TTLL11: variants seen among roughly 807,000 people sequenced by gnomAD.
TTLL11 encodes the protein tubulin polyglutamylase TTLL11.
A neutral mutation model predicts 51.7 loss-of-function variants in TTLL11; 42 were observed. That is an observed-to-expected ratio of 0.81 (90% CI 0.64 to 1.05). TTLL11 has a LOEUF of 1.05. TTLL11 is among the 50% of genes least tolerant of loss of function. TTLL11 has a pLI of 0.00. For missense variants in TTLL11, 799 were observed against 940.4 expected, an observed-to-expected ratio of 0.85 and a Z score of 1.97; for synonymous variants, 381 against 383.5, an observed-to-expected ratio of 0.99 and a Z score of 0.08.
chr9:122,009,017 G>A (rs1843728506), intron 3 of TTLL11, among the ~76,000 whole-genome samples: 1 of 152,182 alleles, frequency 6.6e-6, no homozygotes, highest in South Asian at 2.1e-4. Context: ...AATAGAATGA[G>A]GGTTACCAGG....
chr9:121,846,490 A>T (rs1042141839), intron 8 of TTLL11, among the ~76,000 whole-genome samples: 11 of 152,236 alleles, frequency 7.2e-5, no homozygotes, highest in African/African-American at 2.7e-4. Flanking sequence ...CATTCTTCCC[A>T]GTTCAAATGA....
intron 6 of TTLL11, among the ~76,000 whole-genome samples, chr9:121,907,450 C>CAA (rs5900502): frequency 0.012 from 1,461 of 118,610 alleles, 25 homozygotes; most frequent in African/African-American, 0.041. Context: ...AACTCTGTCT[C>CAA]AAAAAAAAAA....
Position 121,989,388 on chromosome 9 carries a change from C to T in TTLL11, c.1076G>A (p.Ser359Asn), listed in dbSNP as rs776434838. The change falls in exon 4 of 9, where the codon AGT becomes AAT. Residue 359 changes from serine to asparagine, a missense_variant. Ser to Asn is a conservative substitution (Grantham distance 46). Transcript: ENST00000321582. This position sits in a 1 kb window ranked among gnomAD's most constrained non-coding sequence, Gnocchi z 4.2. ...AGTCCTTTTGCTGCCAGTGCTAGCACTGTCCGAGTGGATGAAGTTGCCGCT... is the reference window on the plus strand; with the variant it reads ...AGTCCTTTTGCTGCCAGTGCTAGCATTGTCCGAGTGGATGAAGTTGCCGCT... ...IHSGNFIHSD[S>N]ASTGSKRTFS... 1 of 1,614,080 alleles carries T rather than the reference C, an allele frequency of 6.2e-7. No individual in the cohort carries two copies. Among genetic ancestry groups the T allele is most frequent in the Non-Finnish European group, 8.5e-7 (1 of 1,180,046 alleles).
rs960616442 is a variant in TTLL11, at chr9:121,974,328, CTA to C, written c.1366-206_1366-205del. 7.2e-5 allele frequency among the ~76,000 whole-genome samples: 11 copies of C among 152,218 alleles called. 1 individual carries two copies. The highest frequency in any genetic ancestry group is 2.6e-4 in the African/African-American group (11 of 41,524). Reference sequence around the variant, plus strand: ...AAATACATGAAGAGGAAAAATAGCACTATGTTTTTCTAATTATCAAAATGATA... The same window carrying C: ...AAATACATGAAGAGGAAAAATAGCACTGTTTTTCTAATTATCAAAATGATA... On this transcript the variant is annotated intron_variant, in intron 5 of 8. Transcript: ENST00000321582.
chr9:121,864,485 T>C (rs1166850205), intron 7 of TTLL11, among the ~76,000 whole-genome samples: 1 of 152,222 alleles, frequency 6.6e-6, no homozygotes, highest in Non-Finnish European at 1.5e-5. Flanking sequence ...TGGAGTCAAA[T>C]GCACATGAGT....
Position 121,928,587 on chromosome 9 carries a change from C to T in TTLL11, c.1481+45422G>A, listed in dbSNP as rs980310416. On this transcript the variant is annotated intron_variant, in intron 6 of 8. Coordinates refer to ENST00000321582, the MANE Select transcript of TTLL11 (RefSeq NM_001139442.2). The stretch of plus-strand genomic sequence containing the variant: ...TCCCAAGTAGCTAGCACTACAGGTG[C>T]GCACGACCACACCCAGCTAATTTTT... 3.9e-5 allele frequency among the ~76,000 whole-genome samples: 6 copies of T among 151,964 alleles called. No individual in the cohort carries two copies. The South Asian group carries it at 6.2e-4, about 16-fold the overall frequency.
At chr9:121,949,792 C>T (rs542140522) in intron 6 of TTLL11, among the ~76,000 whole-genome samples, 9 of 152,188 alleles carry the variant, frequency 5.9e-5, no homozygotes, top group Non-Finnish European at 1.2e-4. Flanking sequence ...AATTCTATCT[C>T]ATTTCTCTTA....
intron 4 of TTLL11, among the ~76,000 whole-genome samples, chr9:121,979,150 T>G (rs1842777641): frequency 6.6e-6 from 1 of 152,196 alleles, no homozygotes. Context: ...CCTGCCATAT[T>G]GTCATGAGCT....
chr9:122,087,807 A>G (rs1030683033), intron 1 of TTLL11, among the ~76,000 whole-genome samples: 1 of 152,212 alleles, frequency 6.6e-6, no homozygotes, highest in South Asian at 2.1e-4. Flanking sequence ...ACAAATCCAT[A>G]AACATTGAGC....
At chr9:121,921,172 G>A (rs759140451) in intron 6 of TTLL11, among the ~76,000 whole-genome samples, 2 of 152,184 alleles carry the variant, frequency 1.3e-5, no homozygotes, top group East Asian at 1.9e-4. Flanking sequence ...TGCAAAAGAC[G>A]TCCGTCAGAT....
chr9:121,887,643 G>A (rs1279463928), intron 6 of TTLL11, among the ~76,000 whole-genome samples: 2 of 152,192 alleles, frequency 1.3e-5, no homozygotes, highest in Non-Finnish European at 2.9e-5. Context: ...CCTTGGCATG[G>A]GATAGAGAGA....
At position 122,042,253 on chromosome 9, in the gene TTLL11, G is replaced by A. The variant is rs143023159; in HGVS notation, c.463-2885C>T. On this transcript the variant is annotated intron_variant, in intron 1 of 8. Coordinates refer to ENST00000321582, the MANE Select transcript of TTLL11 (RefSeq NM_001139442.2). Reference sequence around the variant, plus strand: ...TGGTCTCAGGCCATCCACCTGCCTCGGCCTCCCCAAGTGCTGGGATTAAAG... The same window carrying A: ...TGGTCTCAGGCCATCCACCTGCCTCAGCCTCCCCAAGTGCTGGGATTAAAG... Among the ~76,000 whole-genome samples, 482 of 152,000 alleles carry A rather than the reference G, an allele frequency of 3.2e-3. 2 individuals are homozygous for A. The highest frequency in any genetic ancestry group is 0.011 in the African/African-American group (461 of 41,496).
intron 1 of TTLL11, among the ~76,000 whole-genome samples, chr9:122,062,937 G>A (rs1052496013): frequency 3.3e-5 from 5 of 151,814 alleles, no homozygotes; most frequent in Admixed American, 2.0e-4. Context: ...ATGCCACCAC[G>A]CCTGGCTAAT....
At chr9:121,852,327 A>G (rs981657774) in intron 8 of TTLL11, among the ~76,000 whole-genome samples, 3 of 152,140 alleles carry the variant, frequency 2.0e-5, no homozygotes, top group Non-Finnish European at 4.4e-5. Flanking sequence ...GCCCCATTTC[A>G]AAGGACACTG....
At chr9:121,926,764 C>T (rs1840751078) in intron 6 of TTLL11, among the ~76,000 whole-genome samples, 2 of 152,202 alleles carry the variant, frequency 1.3e-5, no homozygotes, top group South Asian at 4.1e-4. Flanking sequence ...AGCAATTCAG[C>T]TGTATTTTGG....
At chr9:121,830,031 C>T (rs1229541110) in intron 8 of TTLL11, among the ~76,000 whole-genome samples, 1 of 152,206 alleles carries the variant, frequency 6.6e-6, no homozygotes, top group Non-Finnish European at 1.5e-5. Flanking sequence ...GTCTTCTCTA[C>T]ATTCCCAGAG....
chr9:121,881,290 G>A (rs1443831903), intron 6 of TTLL11, among the ~76,000 whole-genome samples: 1 of 149,014 alleles, frequency 6.7e-6, no homozygotes, highest in Non-Finnish European at 1.5e-5. Flanking sequence ...CAGACAATAA[G>A]TTGGGGGAAG....
rs199629151 is a variant in TTLL11, at chr9:121,894,999, A to T, written c.1482-24251T>A. 1.9e-3 allele frequency among the ~76,000 whole-genome samples: 77 copies of T among 39,736 alleles called. No individual in the cohort carries two copies. In the Middle Eastern group the frequency reaches 0.058, roughly 30 times the overall value. The allele number at this position is 39,736 out of a possible 152,430, so 26.1% of individuals were successfully genotyped here. A position where few individuals can be genotyped will look rare whatever the true frequency, so the allele number is the denominator to read the frequency against. The stretch of plus-strand genomic sequence containing the variant: ...TTGAGAAGAAAAGTCAGCGGGGGTC[A>T]GGGGAGGTGGGACCAACGACAGGAA... On this transcript the variant is annotated intron_variant, in intron 6 of 8. Coordinates refer to ENST00000321582, the MANE Select transcript of TTLL11 (RefSeq NM_001139442.2).
At chr9:121,992,497 C>T (rs373423764) in intron 3 of TTLL11, among the ~76,000 whole-genome samples, 5 of 152,302 alleles carry the variant, frequency 3.3e-5, no homozygotes, top group African/African-American at 1.2e-4. Context: ...GAAAAATCAC[C>T]GCAGGTGATT....
Sources: allele counts gnomAD v4.1 joint callset (sites outside exome capture counted in the v4.1 genomes callset), GRCh38; gene constraint gnomAD v4.1.1; non-coding constraint Gnocchi (gnomAD v3.1); transcripts MANE v1.5; gene names NCBI Gene and HGNC (gene_info 2026-07-23, HGNC 2026-07-21).